JAKMIP3: variants seen among roughly 807,000 people sequenced by gnomAD.
The protein encoded by JAKMIP3 is Janus kinase and microtubule interacting protein 3, also known as janus kinase and microtubule-interacting protein 3.
A neutral mutation model predicts 118.5 loss-of-function variants in JAKMIP3; 58 were observed. That is an observed-to-expected ratio of 0.49 (90% CI 0.40 to 0.61). JAKMIP3 has a LOEUF of 0.61. JAKMIP3 is among the 20% of genes least tolerant of loss of function. The pLI, the probability that JAKMIP3 is intolerant of heterozygous loss-of-function variation, is 0.00. For missense variants in JAKMIP3, 950 were observed against 1,109.0 expected, an observed-to-expected ratio of 0.86 and a Z score of 2.04; for synonymous variants, 486 against 451.2, an observed-to-expected ratio of 1.08 and a Z score of -0.98.
intron 1 of JAKMIP3, among the ~76,000 whole-genome samples, chr10:132,047,501 A>G (rs1463542440): frequency 6.6e-6 from 1 of 152,192 alleles, no homozygotes; most frequent in Admixed American, 6.5e-5. Context: ...CCCAGCTAGC[A>G]TCTCGTACAG....
chr10:132,175,142 A>G (rs1470153314), intron 23 of JAKMIP3, among the ~76,000 whole-genome samples: 1 of 152,228 alleles, frequency 6.6e-6, no homozygotes, highest in Non-Finnish European at 1.5e-5. Flanking sequence ...AAAAAAATGA[A>G]GCGTGGTTTT....
intron 2 of JAKMIP3, among the ~76,000 whole-genome samples, chr10:132,116,863 C>T (rs1225950926): frequency 2.6e-5 from 4 of 151,032 alleles, no homozygotes; most frequent in African/African-American, 9.8e-5. Flanking sequence ...ATGGACGCTC[C>T]CCCCGAATAC....
intron 23 of JAKMIP3, among the ~76,000 whole-genome samples, chr10:132,180,572 T>TGTGCGC (rs1554962835): frequency 1.0e-4 from 3 of 29,442 alleles, no homozygotes; most frequent in Non-Finnish European, 1.8e-4. Context: ...TGTGTGCGTG[T>TGTGCGC]GTGTGTGCGT....
At chr10:132,159,513 GGTGTGTCTTCCTGTGT>G (rs2057615488) in intron 19 of JAKMIP3, among the ~76,000 whole-genome samples, 1 of 142,454 alleles carries the variant, frequency 7.0e-6, no homozygotes, top group Non-Finnish European at 1.5e-5. Context: ...TGATGCTGGG[GGTGTGTCTTCCTGTGT>G]GATGCTGGGA....
chr10:132,078,637 C>A (rs2041252442), intron 1 of JAKMIP3, among the ~76,000 whole-genome samples: 1 of 150,900 alleles, frequency 6.6e-6, no homozygotes, highest in African/African-American at 2.5e-5. Context: ...GGGGGGGGTC[C>A]CGTTTCTGGC....
chr10:132,043,984 A>G (rs1000278510), intron 1 of JAKMIP3, among the ~76,000 whole-genome samples: 5 of 152,218 alleles, frequency 3.3e-5, no homozygotes, highest in African/African-American at 1.2e-4. Flanking sequence ...TGATCCCAGC[A>G]TGGTCCCAAA....
chr10:132,131,794 C>T (rs1218722210), intron 3 of JAKMIP3, among the ~76,000 whole-genome samples: 2 of 152,006 alleles, frequency 1.3e-5, no homozygotes, highest in African/African-American at 2.4e-5. Context: ...GGGCTCTTCC[C>T]CCGGGTGTCT....
At chr10:132,106,347 A>T (rs2045898692) in intron 2 of JAKMIP3, among the ~76,000 whole-genome samples, 1 of 134,136 alleles carries the variant, frequency 7.5e-6, no homozygotes, top group African/African-American at 2.8e-5. Flanking sequence ...CTAAAGAAAT[A>T]AAAATGATTT....
At chr10:132,148,122 A>G (rs9419379) in intron 14 of JAKMIP3, 72 bp downstream of exon 14, 52,082 of 910,458 alleles carry the variant, frequency 0.057, 6,314 homozygotes, top group East Asian at 0.52. Flanking sequence ...TTCCTAACCC[A>G]CACAAAGCCC....
chr10:132,128,549 G>A (rs1467753473), intron 3 of JAKMIP3, among the ~76,000 whole-genome samples: 2 of 152,028 alleles, frequency 1.3e-5, no homozygotes, highest in Non-Finnish European at 2.9e-5. Flanking sequence ...TAGACACTTT[G>A]ACTATACCTT....
chr10:132,084,584 G>C (rs555382428), intron 1 of JAKMIP3, among the ~76,000 whole-genome samples: 2 of 152,236 alleles, frequency 1.3e-5, no homozygotes, highest in South Asian at 2.1e-4. Context: ...GTTGAGAAGT[G>C]CTCTGGCTGG....
chr10:132,059,492 A>T (rs1257967248), intron 1 of JAKMIP3, among the ~76,000 whole-genome samples: 2 of 152,266 alleles, frequency 1.3e-5, no homozygotes, highest in African/African-American at 4.8e-5. Flanking sequence ...AGGATGACCC[A>T]GCCGCCCTGT....
intron 17 of JAKMIP3, among the ~76,000 whole-genome samples, chr10:132,153,463 C>G (rs2056584513): frequency 6.6e-6 from 1 of 152,206 alleles, no homozygotes; most frequent in Non-Finnish European, 1.5e-5. Flanking sequence ...GGCCACCCCT[C>G]CCCGCCTGTC....
chr10:132,157,529 G>A (rs1036504585), intron 19 of JAKMIP3, among the ~76,000 whole-genome samples: 8 of 152,184 alleles, frequency 5.3e-5, no homozygotes, highest in Non-Finnish European at 1.2e-4. Context: ...CACACTTAAG[G>A]TGTTGTTAGG....
At position 132,133,483 on chromosome 10, in the gene JAKMIP3, C is replaced by G; in HGVS notation, c.805C>G (p.His269Asp). The G allele has an allele frequency of 1.3e-6, 2 of 1,580,920 alleles. No homozygotes were observed. Among genetic ancestry groups the G allele is most frequent in the Non-Finnish European group, 1.7e-6 (2 of 1,164,216 alleles). ...GGGCAGCCCCAGACGGGAACTTCCT[C>G]ATGCAGCTGGTGCAGGAGACGCTTC... ...HPGSPRRELP[H>D]AAGAGDASDH... Residue 269 changes from histidine to aspartate, a missense_variant, in exon 4 of 24, where the codon CAT becomes GAT. By Grantham distance (81) the His-to-Asp change is moderately conservative. Coordinates refer to ENST00000684848, the MANE Select transcript of JAKMIP3 (RefSeq NM_001323087.2).
chr10:132,040,856 C>G (rs529186051), intron 1 of JAKMIP3, among the ~76,000 whole-genome samples: 23 of 152,260 alleles, frequency 1.5e-4, no homozygotes, highest in African/African-American at 4.6e-4. Flanking sequence ...CACTTCCTAG[C>G]CCTGGAAGCC....
intron 7 of JAKMIP3, 32 bp from the exon 8 acceptor site, chr10:132,137,222 C>G (rs375263567): frequency 6.2e-6 from 10 of 1,613,794 alleles, no homozygotes; most frequent in Non-Finnish European, 7.6e-6. Context: ...GGACCCTGAG[C>G]AATTCCGTAA....
chr10:132,089,392 G>T (rs1319371265), intron 1 of JAKMIP3, among the ~76,000 whole-genome samples: 1 of 152,100 alleles, frequency 6.6e-6, no homozygotes, highest in African/African-American at 2.4e-5. Context: ...GTTGAGCAGT[G>T]GTTTGTAGTT....
At chr10:132,164,594 T>C in intron 20 of JAKMIP3, 76 bp from the exon 21 acceptor site, 1 of 974,888 alleles carries the variant, frequency 1.0e-6, no homozygotes, top group Non-Finnish European at 1.6e-6. Context: ...ACCAAGGAAA[T>C]GAATGAAAAT....
Sources: gnomAD v4.1 joint callset for allele counts (sites outside exome capture counted in the v4.1 genomes callset) on GRCh38, gnomAD v4.1.1 for gene constraint, MANE v1.5 for transcripts, NCBI Gene and HGNC (gene_info 2026-07-23, HGNC 2026-07-21) for gene names.